The following GRM4 variants were observed in gnomAD, a reference collection of about 807,000 sequenced individuals.
GRM4 encodes metabotropic glutamate receptor 4.
In GRM4, 28 loss-of-function variants were observed where a neutral mutation model predicts 81.7. The observed-to-expected ratio is 0.34, with a 90% CI of 0.25 to 0.47. The LOEUF is 0.47. Ranked by LOEUF, GRM4 falls within the 20% of genes least tolerant of loss-of-function variation. GRM4 has a pLI of 1.00. For missense variants in GRM4, 948 were observed against 1,290.0 expected (o/e 0.73, Z 4.06); for synonymous variants, 488 against 528.8 (o/e 0.92, Z 1.06).
chr6:34,085,560 A>G (rs1767839130), intron 3 of GRM4, among the ~76,000 whole-genome samples: 1 of 152,178 alleles, frequency 6.6e-6, no homozygotes, highest in Admixed American at 6.5e-5. Context: ...AGGCTGAGAG[A>G]GCAACCTCTC....
chr6:34,067,299 C>T (rs1002045184), intron 3 of GRM4, among the ~76,000 whole-genome samples: 2 of 152,140 alleles, frequency 1.3e-5, no homozygotes, highest in Non-Finnish European at 2.9e-5. Context: ...CCTCCCGCTG[C>T]ACTTCCCAAG....
At position 34,031,639 on chromosome 6, in the gene GRM4, C is replaced by G. The variant is rs141648030; in HGVS notation, c.2443-3273G>C. Among the ~76,000 whole-genome samples the G allele has an allele frequency of 3.5e-3, 533 of 152,340 alleles. 2 individuals carry two copies. The highest frequency in any genetic ancestry group is 0.012 in the African/African-American group (499 of 41,572). On this transcript the variant is annotated intron_variant, in intron 9 of 10. Coordinates refer to ENST00000538487, the MANE Select transcript of GRM4 (RefSeq NM_000841.4). Reference sequence around the variant, plus strand: ...ATTGCCTCTGCAGCCACGTCCTGCCCAAGCATGACTGAGCAGTAACCCCAC... The same window carrying G: ...ATTGCCTCTGCAGCCACGTCCTGCCGAAGCATGACTGAGCAGTAACCCCAC...
rs1170019099 is a variant in GRM4, at chr6:34,080,130, G to A, written c.736+11753C>T. The stretch of plus-strand genomic sequence containing the variant: ...CACCTCAGGGCCTTTGCACATGCCA[G>A]TTCCCCTGCCTGGGGCCCTCTTCCC... On this transcript the variant is annotated intron_variant, in intron 3 of 10. Coordinates refer to ENST00000538487, the MANE Select transcript of GRM4 (RefSeq NM_000841.4). This position sits in a 1 kb window ranked among gnomAD's most constrained non-coding sequence, Gnocchi z 5.4. 6.6e-6 allele frequency among the ~76,000 whole-genome samples: 1 copy of A among 152,208 alleles called. No homozygotes were observed. Among genetic ancestry groups the A allele is most frequent in the Non-Finnish European group, 1.5e-5 (1 of 68,038 alleles).
intron 2 of GRM4, among the ~76,000 whole-genome samples, chr6:34,097,463 G>A (rs1424595326): frequency 6.6e-6 from 1 of 151,682 alleles, no homozygotes; most frequent in Admixed American, 6.6e-5. Flanking sequence ...GCGCGCATGT[G>A]TGTATCCAGG....
At chr6:34,117,478 G>T (rs1283319861) in intron 2 of GRM4, among the ~76,000 whole-genome samples, 1 of 152,088 alleles carries the variant, frequency 6.6e-6, no homozygotes, top group African/African-American at 2.4e-5. Flanking sequence ...ATCCCTCCCT[G>T]CCAGCCTGGC....
At position 34,073,492 on chromosome 6, in the gene GRM4, C is replaced by T. The variant is rs1767145700; in HGVS notation, c.737-11464G>A. On this transcript the variant is annotated intron_variant, in intron 3 of 10. Transcript: ENST00000538487. ...ATCACCATACACAGTCAGATACGCACCACACACAAATACACATAACCACAC... is the reference window on the plus strand; with the variant it reads ...ATCACCATACACAGTCAGATACGCATCACACACAAATACACATAACCACAC... Among the ~76,000 whole-genome samples, 3 of 151,890 alleles carry T rather than the reference C, an allele frequency of 2.0e-5. No individual in the cohort carries two copies. The South Asian group carries it at 6.2e-4, about 32-fold the overall frequency.
rs1049577483 is a variant in GRM4 at position 34,136,555 on chromosome 6, C to T, written c.-363-2696G>A. On this transcript the variant is annotated intron_variant, in intron 1 of 10. Transcript: ENST00000538487. This position sits in a 1 kb window ranked among gnomAD's most constrained non-coding sequence, Gnocchi z 4.1. ...ACGTCTGGGCTGAGCAGTGCATGCG[C>T]GCGTGCGGACACACACACACACACA... Among the ~76,000 whole-genome samples, 2 of 123,980 alleles carry T rather than the reference C, an allele frequency of 1.6e-5. No homozygotes were observed. Among genetic ancestry groups the T allele is most frequent in the Admixed American group, 9.4e-5 (1 of 10,692 alleles). The allele number at this position is 123,980 out of a possible 152,430, so 81.3% of individuals were successfully genotyped here.
chr6:34,056,779 G>A (rs1290584480), intron 5 of GRM4, 95 bp from the exon 6 acceptor site: 11 of 1,369,846 alleles, frequency 8.0e-6, no homozygotes, highest in East Asian at 4.9e-5. Flanking sequence ...TGGTCCAGGC[G>A]GAGGGAGAGA....
Position 34,136,248 on chromosome 6 carries a change from G to A in GRM4, c.-363-2389C>T, listed in dbSNP as rs897325862. Among the ~76,000 whole-genome samples the A allele has an allele frequency of 2.6e-5, 4 of 152,148 alleles. No homozygotes were observed. The highest frequency in any genetic ancestry group is 9.7e-5 in the African/African-American group (4 of 41,436). On this transcript the variant is annotated intron_variant, in intron 1 of 10. Coordinates refer to ENST00000538487, the MANE Select transcript of GRM4 (RefSeq NM_000841.4). This position sits in a 1 kb window ranked among gnomAD's most constrained non-coding sequence, Gnocchi z 4.1. ...GTGCTTAAGCAACATCTAGCCAGGGGCACAGAGCTTGTGCAGGCTGCCCGT... is the reference window on the plus strand; with the variant it reads ...GTGCTTAAGCAACATCTAGCCAGGGACACAGAGCTTGTGCAGGCTGCCCGT...
Position 34,133,924 on chromosome 6 carries a change from A to C in GRM4, c.-363-65T>G. ...CCCAAAGAAGACATTAGCTAGTCTC[A>C]TCTCTCATCAGGAGCCTGAGAGAAG... On this transcript the variant is annotated intron_variant, in intron 1 of 10. Coordinates refer to ENST00000538487, the MANE Select transcript of GRM4 (RefSeq NM_000841.4). The surrounding 1 kb of genome is among the most constrained non-coding windows in gnomAD (Gnocchi z 6.5). The C allele has an allele frequency of 4.3e-6, 3 of 705,122 alleles. No homozygotes were observed. Among genetic ancestry groups the C allele is most frequent in the Non-Finnish European group, 5.3e-6 (3 of 571,016 alleles). 43.7% of individuals were successfully genotyped at this position (705,122 alleles called of 1,614,324 possible).
At chr6:34,049,864 A>G (rs1765527113) in intron 6 of GRM4, among the ~76,000 whole-genome samples, 1 of 152,008 alleles carries the variant, frequency 6.6e-6, no homozygotes, top group Non-Finnish European at 1.5e-5. Flanking sequence ...CCCCACCTGG[A>G]TTACAGCACC....
chr6:34,067,959 A>G (rs565225881), intron 3 of GRM4, among the ~76,000 whole-genome samples: 1 of 152,250 alleles, frequency 6.6e-6, no homozygotes, highest in East Asian at 1.9e-4. Context: ...TGCTGCCACC[A>G]CTTTCCCTTC....
At chr6:34,112,996 C>T (rs1457893445) in intron 2 of GRM4, among the ~76,000 whole-genome samples, 1 of 152,218 alleles carries the variant, frequency 6.6e-6, no homozygotes, top group African/African-American at 2.4e-5. Flanking sequence ...TAACCATTCC[C>T]TTTGGTCATT....
intron 6 of GRM4, among the ~76,000 whole-genome samples, chr6:34,051,900 G>A (rs1765631464): frequency 6.6e-6 from 1 of 152,192 alleles, no homozygotes; most frequent in African/African-American, 2.4e-5. Flanking sequence ...CAGAGGTGAG[G>A]TAACCTGCCC....
intron 1 of GRM4, among the ~76,000 whole-genome samples, chr6:34,151,216 G>T (rs1005141878): frequency 1.3e-5 from 2 of 152,190 alleles, no homozygotes; most frequent in Non-Finnish European, 2.9e-5. Flanking sequence ...CCTCCACTGG[G>T]CTGACACTGT....
chr6:34,146,142 C>T, upstream of GRM4: 1 of 985,518 alleles, frequency 1.0e-6, no homozygotes. Flanking sequence ...GTCACTGGAA[C>T]CTCACACATC....
In GRM4 at chr6:34,133,742, C is replaced by A; in HGVS notation, c.-246G>T. On this transcript the variant is annotated 5_prime_UTR_variant, in exon 2 of 11. It adds an upstream start codon to the 5' untranslated region. Coordinates refer to ENST00000538487, the MANE Select transcript of GRM4 (RefSeq NM_000841.4). The surrounding 1 kb of genome is among the most constrained non-coding windows in gnomAD (Gnocchi z 6.5). ...CCGGGGTTGCAGGAAGGCTCTGATCCTTGTCCCGTCCTGCAGGCCTGTTCT... is the reference window on the plus strand; with the variant it reads ...CCGGGGTTGCAGGAAGGCTCTGATCATTGTCCCGTCCTGCAGGCCTGTTCT... The A allele has an allele frequency of 7.9e-7, 1 of 1,271,064 alleles. No homozygotes were observed. The highest frequency in any genetic ancestry group is 9.9e-7 in the Non-Finnish European group (1 of 1,011,754). The allele number at this position is 1,271,064 out of a possible 1,614,324, so 78.7% of individuals were successfully genotyped here.
chr6:34,102,148 A>G (rs1342540776), intron 2 of GRM4: 55 of 1,535,430 alleles, frequency 3.6e-5, no homozygotes, highest in Non-Finnish European at 4.4e-5. Context: ...GGACTGGGGC[A>G]TTTAAGGTGT....
At chr6:34,040,472 C>T in intron 7 of GRM4, 76 bp downstream of exon 7, 1 of 1,466,938 alleles carries the variant, frequency 6.8e-7, no homozygotes, top group Middle Eastern at 1.9e-4. Context: ...TCCCACCCCA[C>T]AGAGCCTAAG....
Sources: allele counts gnomAD v4.1 joint callset (sites outside exome capture counted in the v4.1 genomes callset), GRCh38; gene constraint gnomAD v4.1.1; non-coding constraint Gnocchi (gnomAD v3.1); transcripts MANE v1.5; gene names NCBI Gene and HGNC (gene_info 2026-07-23, HGNC 2026-07-21).